The following DSCAM variants were observed in gnomAD, a reference collection of about 807,000 sequenced individuals.
The protein encoded by DSCAM is DS cell adhesion molecule.
Under a neutral mutation model 217.7 loss-of-function variants are expected in DSCAM, and 47 were observed. The observed-to-expected ratio is 0.22, with a 90% confidence interval of 0.17 to 0.28. DSCAM has a LOEUF of 0.28. DSCAM is among the 10% of genes least tolerant of loss of function. The pLI, the probability that DSCAM is intolerant of heterozygous loss-of-function variation, is 1.00. For synonymous variants in DSCAM, 1,056 were observed against 1,015.3 expected, an observed-to-expected ratio of 1.04 and a Z score of -0.76; for missense variants, 2,080 against 2,618.3, an observed-to-expected ratio of 0.79 and a Z score of 4.49.
chr21:40,503,193 C>G (rs2146039867), intron 3 of DSCAM, among the ~76,000 whole-genome samples: 1 of 152,348 alleles, frequency 6.6e-6, no homozygotes, highest in East Asian at 1.9e-4. Flanking sequence ...AAAGGCCACA[C>G]TGCTGATGGG....
intron 11 of DSCAM, among the ~76,000 whole-genome samples, chr21:40,266,487 A>T (rs1423631148): frequency 6.6e-6 from 1 of 151,722 alleles, no homozygotes. Flanking sequence ...TAATCCAGCA[A>T]TCGCACTACT....
intron 1 of DSCAM, among the ~76,000 whole-genome samples, chr21:40,789,649 G>A (rs1037250217): frequency 2.7e-5 from 4 of 149,748 alleles, no homozygotes; most frequent in Admixed American, 1.3e-4. Context: ...TCCGCCTCCC[G>A]GGTTCACGCC....
chr21:40,263,133 C>T (rs2073476388), intron 11 of DSCAM, among the ~76,000 whole-genome samples: 1 of 152,188 alleles, frequency 6.6e-6, no homozygotes, highest in African/African-American at 2.4e-5. Context: ...ATGGAGACAA[C>T]TGTGCCTCTT....
At chr21:40,677,698 G>C (rs1242079390) in intron 3 of DSCAM, among the ~76,000 whole-genome samples, 1 of 152,080 alleles carries the variant, frequency 6.6e-6, no homozygotes, top group East Asian at 1.9e-4. Flanking sequence ...TCCTTTGGAG[G>C]GTGATTAGGT....
At chr21:40,364,742 ACACACACTAG>A (rs2123686467) in intron 4 of DSCAM, among the ~76,000 whole-genome samples, 1 of 145,278 alleles carries the variant, frequency 6.9e-6, no homozygotes, top group East Asian at 2.0e-4. Context: ...ATATATATAT[ACACACACTAG>A]TATATATACA....
chr21:40,647,180 T>C (rs546737613), intron 3 of DSCAM, among the ~76,000 whole-genome samples: 1 of 152,304 alleles, frequency 6.6e-6, no homozygotes, highest in Admixed American at 6.5e-5. Flanking sequence ...CACCACACGC[T>C]GTTATTAGGA....
chr21:40,798,384 T>C (rs572033028), intron 1 of DSCAM, among the ~76,000 whole-genome samples: 24 of 152,240 alleles, frequency 1.6e-4, no homozygotes, highest in Admixed American at 2.6e-4. Context: ...AATGCTTATA[T>C]ATCAATAAAG....
chr21:40,617,485 C>A (rs565177537), intron 3 of DSCAM, among the ~76,000 whole-genome samples: 27 of 152,252 alleles, frequency 1.8e-4, no homozygotes, highest in Admixed American at 4.6e-4. Flanking sequence ...CCACAATCTA[C>A]CCCCTCCCAG....
At chr21:40,568,245 G>C (rs539108790) in intron 3 of DSCAM, among the ~76,000 whole-genome samples, 25 of 152,276 alleles carry the variant, frequency 1.6e-4, no homozygotes, top group Non-Finnish European at 2.9e-4. Flanking sequence ...AGGAGAAAGA[G>C]AGCATATTAG....
At chr21:40,772,934 C>T (rs902780314) in intron 1 of DSCAM, among the ~76,000 whole-genome samples, 1 of 152,246 alleles carries the variant, frequency 6.6e-6, no homozygotes, top group Non-Finnish European at 1.5e-5. Flanking sequence ...GCAGCTCCTG[C>T]TGGAGGCATT....
intron 3 of DSCAM, among the ~76,000 whole-genome samples, chr21:40,647,142 AGTT>A (rs2089957551): frequency 1.3e-5 from 2 of 152,182 alleles, no homozygotes; most frequent in Admixed American, 6.5e-5. Flanking sequence ...GAATTGGAGG[AGTT>A]GTTAAAGTTC....
At chr21:40,433,481 C>T (rs766289977) in intron 3 of DSCAM, among the ~76,000 whole-genome samples, 9 of 152,150 alleles carry the variant, frequency 5.9e-5, no homozygotes, top group Non-Finnish European at 8.8e-5. Flanking sequence ...AACCCCTGCA[C>T]GGGACTGCAT....
chr21:40,018,450 G>T (rs956985400), intron 32 of DSCAM, among the ~76,000 whole-genome samples: 1 of 151,892 alleles, frequency 6.6e-6, no homozygotes, highest in Non-Finnish European at 1.5e-5. Flanking sequence ...TAAATATATA[G>T]GTCAAGAATG....
chr21:40,825,381 G>A (rs1354828975), intron 1 of DSCAM, among the ~76,000 whole-genome samples: 2 of 151,156 alleles, frequency 1.3e-5, no homozygotes, highest in Non-Finnish European at 2.9e-5. Context: ...GCAATGGCAC[G>A]ATCTCAGCTC....
At chr21:40,393,293 G>A (rs1006302126) in intron 3 of DSCAM, among the ~76,000 whole-genome samples, 1 of 152,096 alleles carries the variant, frequency 6.6e-6, no homozygotes, top group East Asian at 1.9e-4. Flanking sequence ...CCTCTGATGC[G>A]GAGCAGCACT....
Position 40,399,269 on chromosome 21 carries a change from C to CACAAAACAAA in DSCAM, c.509-30034_509-30025dup, listed in dbSNP as rs74879612. ...TGGGTGACAGAGGAAGACCCTGTCT[C>CACAAAACAAA]ACAAAACAAAACAAAACAAAACAAA... is the stretch of plus-strand genomic sequence containing the variant. On this transcript the variant is annotated intron_variant, in intron 3 of 32. Coordinates refer to ENST00000400454, the MANE Select transcript of DSCAM (RefSeq NM_001389.5). Among the ~76,000 whole-genome samples, 1,355 of 150,292 alleles carry CACAAAACAAA rather than the reference C, an allele frequency of 9.0e-3. 21 individuals carry two copies. The highest frequency in any genetic ancestry group is 0.028 in the African/African-American group (1,156 of 40,772).
intron 1 of DSCAM, among the ~76,000 whole-genome samples, chr21:40,715,617 G>A (rs2090833629): frequency 6.6e-6 from 1 of 152,086 alleles, no homozygotes; most frequent in Non-Finnish European, 1.5e-5. Context: ...CTAAGAAATC[G>A]GTTCAGATCA....
At chr21:40,079,520 C>T (rs949722616) in intron 25 of DSCAM, among the ~76,000 whole-genome samples, 9 of 152,126 alleles carry the variant, frequency 5.9e-5, no homozygotes, top group East Asian at 5.8e-4. Context: ...TCTCATTACT[C>T]GCTCTCCTGC....
chr21:40,429,320 A>G (rs1248649526), intron 3 of DSCAM, among the ~76,000 whole-genome samples: 8 of 151,338 alleles, frequency 5.3e-5, no homozygotes, highest in Non-Finnish European at 1.2e-4. Context: ...AGGCTGGAGT[A>G]CAGTGGCGTG....
Sources: allele counts gnomAD v4.1 joint callset (sites outside exome capture counted in the v4.1 genomes callset), GRCh38; gene constraint gnomAD v4.1.1; transcripts MANE v1.5; gene names NCBI Gene and HGNC (gene_info 2026-07-23, HGNC 2026-07-21).